SPACA9: variants seen among roughly 807,000 people sequenced by gnomAD.
The protein encoded by SPACA9 is sperm acrosome-associated protein 9.
Under a neutral mutation model 12.5 loss-of-function variants are expected in SPACA9, and 14 were observed. That is an observed-to-expected ratio of 1.12 (90% CI 0.74 to 1.75). The LOEUF (loss-of-function observed/expected upper bound fraction) is 1.75. SPACA9 is among the 40% of genes most tolerant of loss of function. The probability of loss-of-function intolerance (pLI) is 0.00; values close to 1 mark genes in which losing one functional copy is unlikely to be tolerated. For missense variants in SPACA9, 292 were observed against 291.9 expected, an observed-to-expected ratio of 1.00 and a Z score of 0.00; for synonymous variants, 111 against 114.1, an observed-to-expected ratio of 0.97 and a Z score of 0.17.
chr9:132,878,485 T>G, upstream of SPACA9: 40 of 1,183,414 alleles, frequency 3.4e-5, no homozygotes, highest in East Asian at 1.5e-4. The surrounding 1 kb of genome is among the most constrained non-coding windows in gnomAD (Gnocchi z 4.7). Context: ...TTGCGCATCT[T>G]AGCGGGGGAC....
At chr9:132,882,462 CTTT>C (rs60513113) in intron 1 of SPACA9, among the ~76,000 whole-genome samples, 93 of 123,482 alleles carry the variant, frequency 7.5e-4, no homozygotes, top group African/African-American at 1.6e-3. Flanking sequence ...TACCCTGCCT[CTTT>C]TTTTTTTTTT....
intron 1 of SPACA9, among the ~76,000 whole-genome samples, chr9:132,883,571 C>CGT (rs948932422): frequency 2.0e-5 from 3 of 151,702 alleles, no homozygotes; most frequent in African/African-American, 7.3e-5. Context: ...CATGTGTGTG[C>CGT]GTGTGTGTGT....
Position 132,887,506 on chromosome 9 carries a change from C to A in SPACA9, c.282C>A (p.Asn94Lys), listed in dbSNP as rs745931429. 9.9e-6 allele frequency: 16 copies of A among 1,614,036 alleles called. No homozygotes were observed. The South Asian group carries it at 1.5e-4, about 16-fold the overall frequency. ...TGCACTCTGGCACCCCAGTCACCAA[C>A]AACCTCCTGGAGAAATGCAAAACCC... ...EAVHSGTPVT[N>K]NLLEKCKTLV... The change falls in exon 3 of 4, where the codon AAC becomes AAA. Residue 94 changes from asparagine to lysine, a missense_variant. Coordinates refer to ENST00000356311, the MANE Select transcript of SPACA9 (RefSeq NM_001316897.2). This position sits in a 1 kb window ranked among gnomAD's most constrained non-coding sequence, Gnocchi z 5.4.
rs765118795 is a variant in SPACA9 at position 132,888,513 on chromosome 9, A to AGGGCC, written c.572_576dup (p.Thr193GlyfsTer47). The AGGGCC allele has an allele frequency of 5.1e-5, 80 of 1,583,810 alleles. 1 individual carries two copies. The highest frequency in any genetic ancestry group is 5.5e-5 in the Non-Finnish European group (64 of 1,165,700). On this transcript the variant is annotated frameshift_variant, in exon 4 of 4. Transcript: ENST00000356311. LOFTEE classifies it low-confidence loss of function (END_TRUNC). This position sits in a 1 kb window ranked among gnomAD's most constrained non-coding sequence, Gnocchi z 5.0. ...TGCCCAGGCCATAGGGACCCAGCCCAGGGCCACTAAACACAAGTGTAGACA... is the reference window on the plus strand; with the variant it reads ...TGCCCAGGCCATAGGGACCCAGCCCAGGGCCGGGCCACTAAACACAAGTGTAGACA...
chr9:132,888,629 C>T lies in SPACA9; in HGVS notation c.*18C>T, dbSNP rs775672526. 716 of 1,511,436 alleles carry T rather than the reference C, an allele frequency of 4.7e-4. No individual in the cohort carries two copies. Among genetic ancestry groups the T allele is most frequent in the Non-Finnish European group, 6.0e-4 (675 of 1,128,198 alleles). The allele number at this position is 1,511,436 out of a possible 1,614,324, so 93.6% of individuals were successfully genotyped here. On this transcript the variant is annotated 3_prime_UTR_variant, in exon 4 of 4. Coordinates refer to ENST00000356311, the MANE Select transcript of SPACA9 (RefSeq NM_001316897.2). This position sits in a 1 kb window ranked among gnomAD's most constrained non-coding sequence, Gnocchi z 5.0. Reference sequence around the variant, plus strand: ...AATTGTAACTCAGAGCCAGGAGCTCCGTCGGCGGAGAGCTTTGCTGTTTAA... The same window carrying T: ...AATTGTAACTCAGAGCCAGGAGCTCTGTCGGCGGAGAGCTTTGCTGTTTAA...
intron 1 of SPACA9, among the ~76,000 whole-genome samples, chr9:132,881,272 GAAAA>G (rs776094730): frequency 1.2e-5 from 1 of 80,182 alleles, no homozygotes; most frequent in Admixed American, 1.3e-4. Flanking sequence ...CAAAAAAAAA[GAAAA>G]AAAAAAAAGA....
chr9:132,883,843 C>A, intron 1 of SPACA9, 68 bp from the exon 2 acceptor site: 3 of 1,271,748 alleles, frequency 2.4e-6, no homozygotes, highest in Non-Finnish European at 3.4e-6. Context: ...CCTGACAGTC[C>A]TTCCCTCCGG....
chr9:132,888,281 G>A lies in SPACA9; in HGVS notation c.348-9G>A, dbSNP rs201123330. ...GCATGGGTTCACCTGGCCCCCTGCCGTCCTGCAGATACCCTCATGATGTGG... is the reference window on the plus strand; with the variant it reads ...GCATGGGTTCACCTGGCCCCCTGCCATCCTGCAGATACCCTCATGATGTGG... On this transcript the variant is annotated splice_polypyrimidine_tract_variant and intron_variant, in intron 3 of 3. Coordinates refer to ENST00000356311, the MANE Select transcript of SPACA9 (RefSeq NM_001316897.2). The surrounding 1 kb of genome is among the most constrained non-coding windows in gnomAD (Gnocchi z 5.0). 2.3e-5 allele frequency: 37 copies of A among 1,596,122 alleles called. No individual in the cohort carries two copies. Among genetic ancestry groups the A allele is most frequent in the African/African-American group, 9.4e-5 (7 of 74,644 alleles).
At chr9:132,881,447 G>A (rs546900415) in intron 1 of SPACA9, among the ~76,000 whole-genome samples, 10 of 151,742 alleles carry the variant, frequency 6.6e-5, no homozygotes, top group African/African-American at 1.7e-4. Context: ...CAGCCTGGGT[G>A]AAAGAGCAAG....
In SPACA9 at chr9:132,887,301, T is replaced by G; in HGVS notation, c.145-68T>G. The G allele has an allele frequency of 6.9e-7, 1 of 1,442,776 alleles. No individual in the cohort carries two copies. The highest frequency in any genetic ancestry group is 9.6e-7 in the Non-Finnish European group (1 of 1,040,168). The allele number at this position is 1,442,776 out of a possible 1,614,324, so 89.4% of individuals were successfully genotyped here. ...GGAGTAGGGTGGGTGCTTCTGGACATTTGCACCATAAGCCAGCCAGGACCC... is the reference window on the plus strand; with the variant it reads ...GGAGTAGGGTGGGTGCTTCTGGACAGTTGCACCATAAGCCAGCCAGGACCC... On this transcript the variant is annotated intron_variant, in intron 2 of 3. Transcript: ENST00000356311. The surrounding 1 kb of genome is among the most constrained non-coding windows in gnomAD (Gnocchi z 5.4).
At chr9:132,878,405 G>C, upstream of SPACA9, 1 of 1,239,334 alleles carries the variant, frequency 8.1e-7, no homozygotes, top group Non-Finnish European at 1.0e-6. This position sits in a 1 kb window ranked among gnomAD's most constrained non-coding sequence, Gnocchi z 4.7. Context: ...CCCCCGCCCC[G>C]ACCTCCCCGG....
intron 1 of SPACA9, among the ~76,000 whole-genome samples, chr9:132,883,173 T>A (rs1459800250): frequency 6.6e-6 from 1 of 152,124 alleles, no homozygotes; most frequent in Non-Finnish European, 1.5e-5. Flanking sequence ...CCCCACAGCC[T>A]CCATGTTACT....
chr9:132,878,387 G>C (rs1481437207), upstream of SPACA9: 17 of 1,244,928 alleles, frequency 1.4e-5, no homozygotes, highest in South Asian at 6.6e-4. The surrounding 1 kb of genome is among the most constrained non-coding windows in gnomAD (Gnocchi z 4.7). Context: ...CCTCGGTCGC[G>C]CGGGTCGCCC....
Position 132,889,410 on chromosome 9 carries a change from A to AT in SPACA9, c.*806dup. 1 of 984,668 alleles carries AT rather than the reference A, an allele frequency of 1.0e-6. No homozygotes were observed. The highest frequency in any genetic ancestry group is 1.2e-6 in the Non-Finnish European group (1 of 829,390). The allele number at this position is 984,668 out of a possible 1,614,324, so 61.0% of individuals were successfully genotyped here. ...TCGGCATGTGGAACTCAGCGTGTTT[A>AT]TTTTTTTATTTTTTGAGATGGAGTT... On this transcript the variant is annotated 3_prime_UTR_variant, in exon 4 of 4. Coordinates refer to ENST00000356311, the MANE Select transcript of SPACA9 (RefSeq NM_001316897.2).
In SPACA9 at chr9:132,889,774, T is replaced by A; in HGVS notation, c.*1163T>A. ...AGCCAAAGGGGAATAAACTCACCTT[T>A]CCTTCGCCTTTACTTGGGAGAGGGA... On this transcript the variant is annotated 3_prime_UTR_variant, in exon 4 of 4. Transcript: ENST00000356311. 1 of 1,299,528 alleles carries A rather than the reference T, an allele frequency of 7.7e-7. No homozygotes were observed. Among genetic ancestry groups the A allele is most frequent in the Non-Finnish European group, 9.9e-7 (1 of 1,011,346 alleles). The allele number at this position is 1,299,528 out of a possible 1,614,324, so 80.5% of individuals were successfully genotyped here.
intron 1 of SPACA9, among the ~76,000 whole-genome samples, chr9:132,879,216 G>C (rs1245460038): frequency 6.6e-6 from 1 of 152,228 alleles, no homozygotes; most frequent in Non-Finnish European, 1.5e-5. Context: ...CAGTGGTACG[G>C]GGCAGCTTGA....
rs73550698 is a variant in SPACA9 at position 132,889,404 on chromosome 9, G to A, written c.*793G>A. The stretch of plus-strand genomic sequence containing the variant: ...TGGGGGTCGGCATGTGGAACTCAGC[G>A]TGTTTATTTTTTTATTTTTTGAGAT... On this transcript the variant is annotated 3_prime_UTR_variant, in exon 4 of 4. Coordinates refer to ENST00000356311, the MANE Select transcript of SPACA9 (RefSeq NM_001316897.2). The A allele has an allele frequency of 9.3e-4, 914 of 985,406 alleles. 9 individuals carry two copies. The African/African-American group carries it at 0.012, about 13-fold the overall frequency. 61.0% of individuals were successfully genotyped at this position (985,406 alleles called of 1,614,324 possible).
At chr9:132,884,124 G>A in intron 2 of SPACA9, 33 bp downstream of exon 2, 1 of 1,604,466 alleles carries the variant, frequency 6.2e-7, no homozygotes, top group South Asian at 1.1e-5. Context: ...CGGCCGAGGG[G>A]CAACAAGCCC....
rs966947795 is a variant in SPACA9, at chr9:132,887,081, G to A, written c.145-288G>A. Among the ~76,000 whole-genome samples the A allele has an allele frequency of 3.3e-5, 5 of 151,916 alleles. No homozygotes were observed. Among genetic ancestry groups the A allele is most frequent in the Non-Finnish European group, 5.9e-5 (4 of 67,944 alleles). ...CGCCCACCTCAGCCTCCCAAAGTGCGGGGATTACACGTGTGAGCCACTGTG... is the reference window on the plus strand; with the variant it reads ...CGCCCACCTCAGCCTCCCAAAGTGCAGGGATTACACGTGTGAGCCACTGTG... On this transcript the variant is annotated intron_variant, in intron 2 of 3. Coordinates refer to ENST00000356311, the MANE Select transcript of SPACA9 (RefSeq NM_001316897.2). This position sits in a 1 kb window ranked among gnomAD's most constrained non-coding sequence, Gnocchi z 5.4.
Sources: gnomAD v4.1 joint callset for allele counts (sites outside exome capture counted in the v4.1 genomes callset) on GRCh38, gnomAD v4.1.1 for gene constraint, Gnocchi (gnomAD v3.1) non-coding constraint, MANE v1.5 for transcripts, NCBI Gene and HGNC (gene_info 2026-07-23, HGNC 2026-07-21) for gene names.